STAU1: variants seen among roughly 807,000 people sequenced by gnomAD.
The protein encoded by STAU1 is staufen double-stranded RNA binding protein 1, also known as double-stranded RNA-binding protein Staufen homolog 1.
A neutral mutation model predicts 62.9 loss-of-function variants in STAU1; 13 were observed. The ratio of observed to expected loss-of-function variants is 0.21; its 90% CI spans 0.13 to 0.33. The LOEUF is 0.33. Among genes scored for constraint, STAU1 ranks in the 10% least tolerant of loss-of-function variants. STAU1 has a pLI of 1.00. For synonymous variants in STAU1, 269 were observed against 265.1 expected (o/e 1.01, Z -0.14); for missense variants, 571 against 712.1 (o/e 0.80, Z 2.25).
chr20:49,191,296 G>C (rs866992376), upstream of STAU1, among the ~76,000 whole-genome samples: 63 of 151,998 alleles, frequency 4.1e-4, no homozygotes, highest in Admixed American at 2.2e-3. Context: ...CAAGGTGCTG[G>C]GATTACAAGT....
chr20:49,133,598 T>C (rs2092802815), intron 6 of STAU1, among the ~76,000 whole-genome samples: 1 of 152,080 alleles, frequency 6.6e-6, no homozygotes, highest in Admixed American at 6.5e-5. Flanking sequence ...CCCTGTCTCA[T>C]TCCCTCCCCA....
the STAU1 span, among the ~76,000 whole-genome samples, chr20:49,197,832 A>G: frequency 0.035 from 5,318 of 151,990 alleles, 293 homozygotes; most frequent in African/African-American, 0.12. Context: ...CAGCCTCCCA[A>G]GTAGCTGGGA....
intron 4 of STAU1, among the ~76,000 whole-genome samples, chr20:49,152,360 T>TG (rs1555852533): frequency 1.3e-5 from 2 of 149,784 alleles, no homozygotes; most frequent in Non-Finnish European, 3.0e-5. Context: ...TTTTTTTTTT[T>TG]GTGAGATGGA....
chr20:49,154,062 G>GT lies in STAU1; in HGVS notation c.214dup (p.Thr72AsnfsTer20). 6.3e-7 allele frequency: 1 copy of GT among 1,596,620 alleles called. No individual in the cohort carries two copies. Among genetic ancestry groups the GT allele is most frequent in the Non-Finnish European group, 8.5e-7 (1 of 1,175,654 alleles). ...CAGTGCATTTAGTTCTACAGTAGGG[G>GT]TTATGCTTTCTGCAAGAAAGAATCG... On this transcript the variant is annotated frameshift_variant, in exon 4 of 14. Transcript: ENST00000371856. LOFTEE classifies it high-confidence loss of function.
chr20:49,210,520 T>G, the STAU1 span: 1 of 455,992 alleles, frequency 2.2e-6, no homozygotes, highest in Non-Finnish European at 4.4e-6. Flanking sequence ...TGGGGGAAAA[T>G]TCTACATCAC....
chr20:49,173,510 A>G (rs2093623428), intron 2 of STAU1, among the ~76,000 whole-genome samples: 1 of 152,208 alleles, frequency 6.6e-6, no homozygotes, highest in South Asian at 2.1e-4. Flanking sequence ...AAAACCATTC[A>G]CTGAGCTTTG....
chr20:49,125,071 T>TAAA (rs11473077), intron 6 of STAU1, among the ~76,000 whole-genome samples: 954 of 83,808 alleles, frequency 0.011, 59 homozygotes, highest in African/African-American at 0.037. Context: ...ACACATTAAG[T>TAAA]AAAAAAAAAA....
At chr20:49,116,537 C>A (rs951445377) in intron 12 of STAU1, among the ~76,000 whole-genome samples, 1 of 152,010 alleles carries the variant, frequency 6.6e-6, no homozygotes, top group African/African-American at 2.4e-5. Flanking sequence ...TGGGGTTTCA[C>A]CACGTTGGCC....
Position 49,132,107 on chromosome 20 carries a change from G to C in STAU1, c.609+3726C>G, listed in dbSNP as rs1296408768. On this transcript the variant is annotated intron_variant, in intron 6 of 13. Coordinates refer to ENST00000371856, the MANE Select transcript of STAU1 (RefSeq NM_017453.4). ...ATTCAGCACAGTGGCCAGGAGCAGAGGTGTGGGAAGGACCTGGCCTGCTTA... is the reference window on the plus strand; with the variant it reads ...ATTCAGCACAGTGGCCAGGAGCAGACGTGTGGGAAGGACCTGGCCTGCTTA... Among the ~76,000 whole-genome samples, 5 of 152,040 alleles carry C rather than the reference G, an allele frequency of 3.3e-5. No homozygotes were observed. The South Asian group carries it at 1.0e-3, about 32-fold the overall frequency.
chr20:49,172,122 T>C (rs2093604688), intron 2 of STAU1, among the ~76,000 whole-genome samples: 1 of 152,162 alleles, frequency 6.6e-6, no homozygotes, highest in Non-Finnish European at 1.5e-5. Flanking sequence ...CTTGGCCCAA[T>C]GCCATGGGCA....
chr20:49,216,339 A>T, the STAU1 span, among the ~76,000 whole-genome samples: 1 of 152,096 alleles, frequency 6.6e-6, no homozygotes, highest in Non-Finnish European at 1.5e-5. Flanking sequence ...CAACCTGGCT[A>T]ACATGGTGTA....
chr20:49,193,607 G>A, the STAU1 span, among the ~76,000 whole-genome samples: 31 of 151,598 alleles, frequency 2.0e-4, no homozygotes, highest in Non-Finnish European at 4.4e-4. Context: ...GGAGGCGGAG[G>A]TTGCACTGAG....
intron 5 of STAU1, among the ~76,000 whole-genome samples, chr20:49,150,230 T>C (rs1394112235): frequency 6.6e-6 from 1 of 152,222 alleles, no homozygotes; most frequent in East Asian, 1.9e-4. Flanking sequence ...ATCATGGTGG[T>C]TTTAAAACAT....
chr20:49,152,669 A>T (rs1167179288), intron 4 of STAU1, among the ~76,000 whole-genome samples: 1 of 152,110 alleles, frequency 6.6e-6, no homozygotes, highest in East Asian at 1.9e-4. Context: ...TGCCAGCAGA[A>T]GATTTTTAAT....
At chr20:49,134,578 CAG>C in intron 6 of STAU1, 1 of 1,301,242 alleles carries the variant, frequency 7.7e-7, no homozygotes, top group South Asian at 1.2e-5. Flanking sequence ...GACCTGCCCC[CAG>C]AGAGACAAAA....
At chr20:49,158,443 A>G (rs545376071) in intron 3 of STAU1, 8 of 1,304,776 alleles carry the variant, frequency 6.1e-6, no homozygotes, top group Middle Eastern at 2.1e-4. Flanking sequence ...TTGCCTTCAT[A>G]GCTGATTTTT....
intron 3 of STAU1, among the ~76,000 whole-genome samples, chr20:49,154,837 C>G (rs765951465): frequency 3.3e-5 from 5 of 151,650 alleles, no homozygotes; most frequent in Admixed American, 1.3e-4. Flanking sequence ...GTAATCCCAG[C>G]ACTTTGGAAG....
the STAU1 span, among the ~76,000 whole-genome samples, chr20:49,194,055 T>A: frequency 6.6e-6 from 1 of 152,170 alleles, no homozygotes; most frequent in African/African-American, 2.4e-5. Flanking sequence ...CAAGGTAGCT[T>A]CTGGGGCAGG....
chr20:49,132,496 T>G (rs1331861201), intron 6 of STAU1, among the ~76,000 whole-genome samples: 2 of 152,228 alleles, frequency 1.3e-5, no homozygotes, highest in African/African-American at 2.4e-5. Flanking sequence ...CGGTGGCTCA[T>G]GCCTATAATC....
Sources: gnomAD v4.1 joint callset for allele counts (sites outside exome capture counted in the v4.1 genomes callset) on GRCh38, gnomAD v4.1.1 for gene constraint, MANE v1.5 for transcripts, NCBI Gene and HGNC (gene_info 2026-07-23, HGNC 2026-07-21) for gene names.